Variants in DDAH1 observed in about 807,000 individuals in gnomAD.
DDAH1 encodes the protein N(G),N(G)-dimethylarginine dimethylaminohydrolase 1.
In DDAH1, 19 loss-of-function variants were observed where a neutral mutation model predicts 28.8. The ratio of observed to expected loss-of-function variants is 0.66; its 90% confidence interval spans 0.46 to 0.97. The LOEUF is 0.97. Ranked by LOEUF, DDAH1 falls within the 50% of genes least tolerant of loss-of-function variation. The pLI, the probability that DDAH1 is intolerant of heterozygous loss-of-function variation, is 0.00. For synonymous variants in DDAH1, 153 were observed against 154.4 expected, an observed-to-expected ratio of 0.99 and a Z score of 0.07; for missense variants, 326 against 375.9, an observed-to-expected ratio of 0.87 and a Z score of 1.10.
chr1:85,431,268 T>C (rs1235982058), intron 1 of DDAH1, among the ~76,000 whole-genome samples: 1 of 152,184 alleles, frequency 6.6e-6, no homozygotes, highest in Non-Finnish European at 1.5e-5. Context: ...GATAAGCTTT[T>C]TGATGTACTG....
intron 1 of DDAH1, among the ~76,000 whole-genome samples, chr1:85,542,342 T>C (rs541236979): frequency 6.6e-6 from 1 of 152,340 alleles, no homozygotes; most frequent in East Asian, 1.9e-4. Context: ...CAGACATGCA[T>C]AGAATCTATG....
chr1:85,577,983 C>T lies in DDAH1; in HGVS notation c.-123+1G>A. 2 of 985,456 alleles carry T rather than the reference C, an allele frequency of 2.0e-6. No individual in the cohort carries two copies. The highest frequency in any genetic ancestry group is 4.7e-5 in the South Asian group (1 of 21,276). 61.0% of individuals were successfully genotyped at this position (985,456 alleles called of 1,614,324 possible). On this transcript the variant is annotated splice_donor_variant, in intron 1 of 6. Transcript: ENST00000426972. LOFTEE classifies it low-confidence loss of function (5UTR_SPLICE). ...GAATTAGCACCCGAAGCAACACTTA[C>T]CCATAAACATTTGCACATTTCGCCT...
chr1:85,379,326 T>C (rs995720629), intron 1 of DDAH1, among the ~76,000 whole-genome samples: 4 of 152,158 alleles, frequency 2.6e-5, no homozygotes, highest in African/African-American at 9.7e-5. Flanking sequence ...TCCCACTAAA[T>C]GGTTGCAATA....
chr1:85,346,406 G>GAGAT lies in DDAH1; in HGVS notation c.597+4005_597+4008dup, dbSNP rs200404322. Among the ~76,000 whole-genome samples the GAGAT allele has an allele frequency of 7.2e-3, 1,092 of 152,286 alleles. 12 individuals are homozygous for GAGAT. Among genetic ancestry groups the GAGAT allele is most frequent in the Middle Eastern group, 0.034 (10 of 294 alleles). ...ATACCAGTAAAAAATGGAAAGTCAGGAGATAGGTGGAAAGACACGGAAGGA... is the reference window on the plus strand; with the variant it reads ...ATACCAGTAAAAAATGGAAAGTCAGGAGATAGATAGGTGGAAAGACACGGAAGGA... On this transcript the variant is annotated intron_variant, in intron 4 of 5. Coordinates refer to ENST00000284031, the MANE Select transcript of DDAH1 (RefSeq NM_012137.4).
At chr1:85,556,560 C>T (rs1390158485) in intron 1 of DDAH1, among the ~76,000 whole-genome samples, 2 of 152,132 alleles carry the variant, frequency 1.3e-5, no homozygotes, top group African/African-American at 2.4e-5. Flanking sequence ...AATTTGCGCA[C>T]GTGGAATTAG....
At chr1:85,516,225 G>A (rs1297131406) in intron 1 of DDAH1, among the ~76,000 whole-genome samples, 1 of 151,912 alleles carries the variant, frequency 6.6e-6, no homozygotes, top group Non-Finnish European at 1.5e-5. Context: ...CATAACACAT[G>A]GGATAGAAAA....
rs887726535 is a variant in DDAH1 at position 85,381,152 on chromosome 1, T to G, written c.304-22305A>C. ...ACTCGGGTGAGACAGGAGAACTGCT[T>G]GAACCTGGGAGGTGGAGGTTGCAGT... On this transcript the variant is annotated intron_variant, in intron 1 of 5. Transcript: ENST00000284031. 5.4e-4 allele frequency among the ~76,000 whole-genome samples: 82 copies of G among 150,752 alleles called. 1 individual carries two copies. Among genetic ancestry groups the G allele is most frequent in the Non-Finnish European group, 8.8e-5 (6 of 67,812 alleles).
chr1:85,439,963 T>C (rs1654118043), intron 1 of DDAH1, among the ~76,000 whole-genome samples: 1 of 152,218 alleles, frequency 6.6e-6, no homozygotes, highest in Non-Finnish European at 1.5e-5. Context: ...ATATGATGTG[T>C]CATAGTTCTA....
chr1:85,336,198 C>T (rs1439015554), intron 4 of DDAH1, among the ~76,000 whole-genome samples: 1 of 152,084 alleles, frequency 6.6e-6, no homozygotes, highest in African/African-American at 2.4e-5. Context: ...GCAGAATACA[C>T]ATTCTTCTTA....
At chr1:85,475,605 T>C (rs1655771153) in intron 2 of DDAH1, among the ~76,000 whole-genome samples, 1 of 152,222 alleles carries the variant, frequency 6.6e-6, no homozygotes, top group Admixed American at 6.5e-5. Flanking sequence ...TAGGCATAAC[T>C]CTTAGAAAAA....
chr1:85,473,458 A>G (rs1406282731), intron 2 of DDAH1, among the ~76,000 whole-genome samples: 1 of 152,144 alleles, frequency 6.6e-6, no homozygotes, highest in African/African-American at 2.4e-5. Context: ...CTCTACATTT[A>G]AAATTGTTAT....
chr1:85,324,958 G>A lies in DDAH1; in HGVS notation c.598-75C>T, dbSNP rs928617950. 9.6e-6 allele frequency: 15 copies of A among 1,555,670 alleles called. No homozygotes were observed. The Admixed American group carries it at 2.6e-4, about 27-fold the overall frequency. On this transcript the variant is annotated intron_variant, in intron 4 of 5. Coordinates refer to ENST00000284031, the MANE Select transcript of DDAH1 (RefSeq NM_012137.4). ...CAAACAGAAGGAAGGCAGTGTGGTAGGATACAAGCTTGGAACTGACACTTT... is the reference window on the plus strand; with the variant it reads ...CAAACAGAAGGAAGGCAGTGTGGTAAGATACAAGCTTGGAACTGACACTTT...
At chr1:85,476,967 C>G (rs1021086001) in intron 2 of DDAH1, among the ~76,000 whole-genome samples, 2 of 152,128 alleles carry the variant, frequency 1.3e-5, no homozygotes, top group African/African-American at 4.8e-5. Flanking sequence ...ATCAAACCAT[C>G]ACTAAATACT....
chr1:85,351,715 AC>A, intron 2 of DDAH1, 136 bp from the exon 3 acceptor site: 1 of 627,008 alleles, frequency 1.6e-6, no homozygotes, highest in Non-Finnish European at 2.8e-6. Context: ...TAAAGAGACT[AC>A]AAAAAATGAT....
chr1:85,325,563 T>C (rs1344991800), intron 4 of DDAH1, among the ~76,000 whole-genome samples: 2 of 150,754 alleles, frequency 1.3e-5, no homozygotes, highest in Non-Finnish European at 3.0e-5. Flanking sequence ...TTTGAAGCCC[T>C]ACAGATAATT....
chr1:85,394,218 C>A (rs1350911525), intron 1 of DDAH1, among the ~76,000 whole-genome samples: 1 of 152,194 alleles, frequency 6.6e-6, no homozygotes, highest in Non-Finnish European at 1.5e-5. Flanking sequence ...ATGTCTTTCT[C>A]ATGAGACTAG....
chr1:85,349,341 G>C (rs892977868), intron 4 of DDAH1, among the ~76,000 whole-genome samples: 1 of 152,166 alleles, frequency 6.6e-6, no homozygotes, highest in Non-Finnish European at 1.5e-5. Flanking sequence ...AATACAGAGA[G>C]GAAATTTAGC....
At chr1:85,323,559 C>T (rs1408282306) in intron 5 of DDAH1, among the ~76,000 whole-genome samples, 1 of 152,162 alleles carries the variant, frequency 6.6e-6, no homozygotes, top group Non-Finnish European at 1.5e-5. Flanking sequence ...TTCGAGTGTA[C>T]CATATTACTA....
In DDAH1 at chr1:85,320,428, G is replaced by T. The variant is rs1396434243; in HGVS notation, c.*1024C>A. 1 of 151,944 alleles carries T rather than the reference G, an allele frequency of 6.6e-6. No individual in the cohort carries two copies. Among genetic ancestry groups the T allele is most frequent in the East Asian group, 1.9e-4 (1 of 5,174 alleles). 9.4% of individuals were successfully genotyped at this position (151,944 alleles called of 1,614,324 possible). ...TTCAGACATGATGTCTCTTTTGAAA[G>T]AAATGACTTTGCTGGACTAGGATAA... On this transcript the variant is annotated 3_prime_UTR_variant, in exon 6 of 6. Transcript: ENST00000284031.
Sources: allele counts gnomAD v4.1 joint callset (sites outside exome capture counted in the v4.1 genomes callset), GRCh38; gene constraint gnomAD v4.1.1; transcripts MANE v1.5; gene names NCBI Gene and HGNC (gene_info 2026-07-23, HGNC 2026-07-21).